Variants in CCDC178 observed in about 807,000 individuals in gnomAD.
The protein encoded by CCDC178 is coiled-coil domain containing 178.
CCDC178 carries 126 observed loss-of-function variants against 117.4 expected under a neutral mutation model. That is an observed-to-expected ratio of 1.07 (90% confidence interval 0.93 to 1.24). The LOEUF is 1.24. CCDC178 is among the 50% of genes most tolerant of loss of function. The probability of loss-of-function intolerance (pLI) is 0.00; values close to 1 mark genes in which losing one functional copy is unlikely to be tolerated. For synonymous variants in CCDC178, 283 were observed against 313.4 expected (o/e 0.90, Z 1.02); for missense variants, 1,030 against 986.9 (o/e 1.04, Z -0.59).
intron 20 of CCDC178, among the ~76,000 whole-genome samples, chr18:33,202,882 T>G (rs2059008523): frequency 1.3e-5 from 2 of 152,236 alleles, no homozygotes; most frequent in South Asian, 4.1e-4. Flanking sequence ...ATTACTAATA[T>G]AAAAGCACAC....
chr18:33,286,859 C>T (rs1364465069), intron 12 of CCDC178, among the ~76,000 whole-genome samples: 1 of 151,926 alleles, frequency 6.6e-6, no homozygotes, highest in African/African-American at 2.4e-5. Context: ...TTTTATATTA[C>T]AAGAAACTAA....
rs1007775938 is a variant in CCDC178 at position 33,389,561 on chromosome 18, T to C, written c.187A>G (p.Ser63Gly). ...TCACCTTCAGTATTTGTCATTTTACTTTCATGAAAACCTTCACTGTTCTCC... is the reference window on the plus strand; with the variant it reads ...TCACCTTCAGTATTTGTCATTTTACCTTCATGAAAACCTTCACTGTTCTCC... ...SKENSEGFHESKMTNTEGVNK... is the reference protein window; with the variant it reads ...SKENSEGFHEGKMTNTEGVNK... Residue 63 changes from serine (S) to glycine (G), a missense_variant, in exon 5 of 23, where the codon AGT becomes GGT. By Grantham distance (56) the Ser-to-Gly change is moderately conservative. Transcript: ENST00000383096. The C allele has an allele frequency of 7.2e-6, 11 of 1,520,020 alleles. No homozygotes were observed. Among genetic ancestry groups the C allele is most frequent in the Non-Finnish European group, 9.7e-6 (11 of 1,133,674 alleles). The allele number at this position is 1,520,020 out of a possible 1,614,324, so 94.2% of individuals were successfully genotyped here.
chr18:33,181,042 T>C (rs1198287593), intron 20 of CCDC178, among the ~76,000 whole-genome samples: 1 of 152,042 alleles, frequency 6.6e-6, no homozygotes, highest in Non-Finnish European at 1.5e-5. Flanking sequence ...TTCAGCGAAT[T>C]TCCTTGTAAG....
At chr18:33,113,150 CT>C (rs947224954) in intron 20 of CCDC178, among the ~76,000 whole-genome samples, 6 of 151,838 alleles carry the variant, frequency 4.0e-5, no homozygotes, top group Middle Eastern at 3.4e-3. Context: ...TAAAAGTCTG[CT>C]GAGAGAAAAA....
intron 21 of CCDC178, among the ~76,000 whole-genome samples, chr18:32,983,626 T>C (rs1057062338): frequency 6.6e-6 from 1 of 152,084 alleles, no homozygotes; most frequent in Non-Finnish European, 1.5e-5. Flanking sequence ...TTATTTTAGA[T>C]AGAAAGAAGG....
At chr18:32,948,531 T>A (rs920743936) in intron 22 of CCDC178, among the ~76,000 whole-genome samples, 1 of 152,118 alleles carries the variant, frequency 6.6e-6, no homozygotes, top group African/African-American at 2.4e-5. Flanking sequence ...CTTGTTAGCT[T>A]ATGAGCTTCT....
intron 20 of CCDC178, among the ~76,000 whole-genome samples, chr18:33,179,224 A>C (rs998562042): frequency 2.0e-4 from 30 of 147,718 alleles, no homozygotes; most frequent in East Asian, 1.6e-3. Flanking sequence ...AAGTGAAAAA[A>C]TGTGTATAAA....
intron 12 of CCDC178, among the ~76,000 whole-genome samples, chr18:33,278,258 C>T (rs1038057816): frequency 7.0e-6 from 1 of 143,710 alleles, no homozygotes; most frequent in East Asian, 2.0e-4. Flanking sequence ...TATCTATATA[C>T]ATACACATAT....
chr18:33,412,142 G>T, intron 2 of CCDC178, 32 bp from the exon 3 acceptor site: 1 of 833,864 alleles, frequency 1.2e-6, no homozygotes, highest in South Asian at 1.8e-5. Flanking sequence ...TAAATATCAT[G>T]AATCTAAATT....
intron 5 of CCDC178, among the ~76,000 whole-genome samples, chr18:33,386,972 G>A (rs767019216): frequency 5.9e-5 from 9 of 152,054 alleles, no homozygotes; most frequent in African/African-American, 1.9e-4. Context: ...AAACCCCATC[G>A]ACTCAGCCCA....
chr18:33,105,723 G>T (rs1333621130), intron 20 of CCDC178, among the ~76,000 whole-genome samples: 2 of 151,516 alleles, frequency 1.3e-5, no homozygotes, highest in African/African-American at 4.8e-5. Context: ...ATCCTAGTTT[G>T]CAAAAGCATT....
At chr18:33,151,736 A>T (rs1206742170) in intron 20 of CCDC178, among the ~76,000 whole-genome samples, 1 of 152,196 alleles carries the variant, frequency 6.6e-6, no homozygotes, top group Non-Finnish European at 1.5e-5. Context: ...ACCAACGACA[A>T]TAATGTCCTA....
intron 20 of CCDC178, among the ~76,000 whole-genome samples, chr18:33,130,968 G>C (rs1410170901): frequency 2.0e-5 from 3 of 151,918 alleles, no homozygotes; most frequent in East Asian, 1.9e-4. Flanking sequence ...AGCTGGGATG[G>C]GGAAGGCACC....
intron 21 of CCDC178, among the ~76,000 whole-genome samples, chr18:33,021,214 G>A (rs931613495): frequency 1.3e-5 from 2 of 152,156 alleles, no homozygotes; most frequent in African/African-American, 4.8e-5. Context: ...ATCACTAACT[G>A]AAAACATTTT....
intron 14 of CCDC178, among the ~76,000 whole-genome samples, chr18:33,254,254 AC>A (rs2059652168): frequency 1.7e-4 from 2 of 11,734 alleles, no homozygotes; most frequent in Non-Finnish European, 4.6e-4. Flanking sequence ...ATTGAGAAAC[AC>A]ACACACACAC....
chr18:33,271,809 A>C (rs2059894330), intron 12 of CCDC178, among the ~76,000 whole-genome samples: 1 of 151,584 alleles, frequency 6.6e-6, no homozygotes, highest in Non-Finnish European at 1.5e-5. Flanking sequence ...ATGTTCCTTG[A>C]TAACCAACAA....
intron 20 of CCDC178, among the ~76,000 whole-genome samples, chr18:33,129,293 C>G (rs1191137105): frequency 6.6e-6 from 1 of 152,004 alleles, no homozygotes; most frequent in Non-Finnish European, 1.5e-5. Flanking sequence ...TGCTATAAAG[C>G]AACACATGCT....
intron 3 of CCDC178, among the ~76,000 whole-genome samples, chr18:33,400,271 G>A (rs1358656798): frequency 1.3e-5 from 2 of 151,938 alleles, no homozygotes; most frequent in Non-Finnish European, 2.9e-5. Context: ...AATGGTAAAT[G>A]AGCATTAACT....
chr18:33,381,932 T>C (rs2063443391), intron 5 of CCDC178, among the ~76,000 whole-genome samples: 5 of 152,204 alleles, frequency 3.3e-5, no homozygotes, highest in Admixed American at 3.3e-4. Context: ...GTTTCTTAAA[T>C]ATCTCTGTAC....
Sources: gnomAD v4.1 joint callset for allele counts (sites outside exome capture counted in the v4.1 genomes callset) on GRCh38, gnomAD v4.1.1 for gene constraint, MANE v1.5 for transcripts, NCBI Gene and HGNC (gene_info 2026-07-23, HGNC 2026-07-21) for gene names.